MYPN: variants seen among roughly 807,000 people sequenced by gnomAD.
MYPN encodes the protein sarcomeric protein myopalladin, 145 kDa (MYOP).
In MYPN, 63 loss-of-function variants were observed where a neutral mutation model predicts 129.4. That is an observed-to-expected ratio of 0.49 (90% CI 0.40 to 0.60). The LOEUF (loss-of-function observed/expected upper bound fraction) is 0.60, where lower values mean the gene tolerates loss of function less well. MYPN is among the 20% of genes least tolerant of loss of function. The probability of loss-of-function intolerance (pLI) is 0.00; values close to 1 mark genes in which losing one functional copy is unlikely to be tolerated. For synonymous variants in MYPN, 629 were observed against 600.9 expected, an observed-to-expected ratio of 1.05 and a Z score of -0.68; for missense variants, 1,596 against 1,635.4, an observed-to-expected ratio of 0.98 and a Z score of 0.42.
intron 2 of MYPN, among the ~76,000 whole-genome samples, chr10:68,131,946 T>C (rs2042417780): frequency 1.3e-5 from 2 of 152,214 alleles, no homozygotes; most frequent in Non-Finnish European, 2.9e-5. Flanking sequence ...GCTAAATTTA[T>C]GGAAATCTAT....
intron 6 of MYPN, among the ~76,000 whole-genome samples, chr10:68,154,542 T>TG (rs2042834745): frequency 6.6e-6 from 1 of 152,222 alleles, no homozygotes; most frequent in African/African-American, 2.4e-5. Context: ...AATGATTGCA[T>TG]GGGGCACTTG....
upstream of MYPN, among the ~76,000 whole-genome samples, chr10:68,104,496 A>G (rs2041997671): frequency 1.3e-5 from 2 of 152,200 alleles, no homozygotes; most frequent in African/African-American, 4.8e-5. Flanking sequence ...AATAGAAATG[A>G]AAAAATAGGT....
intron 1 of MYPN, among the ~76,000 whole-genome samples, chr10:68,095,041 A>G (rs144742871): frequency 1.4e-3 from 217 of 152,302 alleles, no homozygotes; most frequent in African/African-American, 5.1e-3. Context: ...AGCCTGGGCT[A>G]CAGAGGGAGA....
chr10:68,183,822 A>T (rs2043378572), intron 12 of MYPN, among the ~76,000 whole-genome samples: 1 of 151,742 alleles, frequency 6.6e-6, no homozygotes, highest in African/African-American at 2.4e-5. Context: ...CCAGTTCAAG[A>T]CCAGCCTGGG....
At chr10:68,148,276 A>G in intron 4 of MYPN, 77 bp from the exon 5 acceptor site, 3 of 1,155,692 alleles carry the variant, frequency 2.6e-6, no homozygotes, top group South Asian at 1.3e-5. Flanking sequence ...CAGTGATGCC[A>G]TTACTAGTTT....
chr10:68,197,173 C>A (rs2134288926), intron 15 of MYPN, among the ~76,000 whole-genome samples, 179 bp from the exon 16 acceptor site: 1 of 152,006 alleles, frequency 6.6e-6, no homozygotes, highest in East Asian at 1.9e-4. Flanking sequence ...AGATACTTAC[C>A]ACTTTGTGTT....
intron 1 of MYPN, among the ~76,000 whole-genome samples, chr10:68,088,551 C>T (rs928972517): frequency 2.0e-5 from 3 of 152,108 alleles, no homozygotes; most frequent in Non-Finnish European, 4.4e-5. Flanking sequence ...GCTGATCTAT[C>T]ACTCTCCATT....
At chr10:68,102,157 A>ATTTTT (rs2041985080), upstream of MYPN, among the ~76,000 whole-genome samples, 1 of 104,868 alleles carries the variant, frequency 9.5e-6, no homozygotes. Flanking sequence ...ATAGGGTCTC[A>ATTTTT]TTTTACTGCA....
chr10:68,111,318 C>T (rs1222210510), intron 1 of MYPN, among the ~76,000 whole-genome samples: 2 of 152,230 alleles, frequency 1.3e-5, no homozygotes, highest in East Asian at 1.9e-4. Context: ...AGTTCCTACA[C>T]GTAATAGGAA....
rs563055841 is a variant in MYPN, at chr10:68,182,790, G to A, written c.2704-6115G>A. On this transcript the variant is annotated intron_variant, in intron 12 of 19. Coordinates refer to ENST00000358913, the MANE Select transcript of MYPN (RefSeq NM_032578.4). The stretch of plus-strand genomic sequence containing the variant: ...CCCAAAGTGCTGGGATTATAGGCAT[G>A]AGCCACCACGCCCGGTCTCTAATAG... Among the ~76,000 whole-genome samples, 10 of 152,232 alleles carry A rather than the reference G, an allele frequency of 6.6e-5. No homozygotes were observed. In the South Asian group the frequency reaches 1.9e-3, roughly 28 times the overall value.
upstream of MYPN, among the ~76,000 whole-genome samples, chr10:68,107,501 C>G (rs2042026909): frequency 7.2e-6 from 1 of 138,842 alleles, no homozygotes; most frequent in Non-Finnish European, 1.5e-5. Context: ...CCTCTACGCC[C>G]TGCTAATTTT....
intron 1 of MYPN, among the ~76,000 whole-genome samples, chr10:68,099,630 ACT>A (rs1322235627): frequency 2.0e-5 from 3 of 149,518 alleles, no homozygotes; most frequent in South Asian, 2.1e-4. Flanking sequence ...ACAGAGCAAG[ACT>A]CTGTCTCAAA....
chr10:68,195,452 G>A lies in MYPN; in HGVS notation c.3078G>A (p.Gly1026=), dbSNP rs114479328. The part of the protein sequence containing the change: ...NYTIMAANPQ[G]RISCSGHLMV... ...CTTGCTCTTTTTCTGTTTGTCAGGGGAGAATCAGCTGTTCTGGCCACTTGA... is the reference window on the plus strand; with the variant it reads ...CTTGCTCTTTTTCTGTTTGTCAGGGAAGAATCAGCTGTTCTGGCCACTTGA... Residue 1026 remains glycine, a splice_region_variant and synonymous_variant, in exon 15 of 20, where the codon GGG becomes GGA. Transcript: ENST00000358913. 6.9e-4 allele frequency: 1,112 copies of A among 1,613,836 alleles called. 7 individuals carry two copies. The African/African-American group carries it at 0.013, about 19-fold the overall frequency.
At chr10:68,175,128 T>C (rs1449115475) in intron 11 of MYPN, among the ~76,000 whole-genome samples, 195 bp from the exon 12 acceptor site, 1 of 10,210 alleles carries the variant, frequency 9.8e-5, no homozygotes, top group African/African-American at 1.6e-4. Flanking sequence ...AGAGACTCTG[T>C]CTCAAAAAAA....
At chr10:68,185,708 G>A (rs916341707) in intron 12 of MYPN, among the ~76,000 whole-genome samples, 2 of 152,152 alleles carry the variant, frequency 1.3e-5, no homozygotes, top group East Asian at 1.9e-4. Context: ...CATGGTAAGG[G>A]AATAAAATGA....
intron 16 of MYPN, among the ~76,000 whole-genome samples, chr10:68,198,093 G>A (rs954143692): frequency 3.9e-5 from 6 of 152,204 alleles, no homozygotes; most frequent in Admixed American, 2.0e-4. Context: ...TTAGACAAAA[G>A]GAGGACTACT....
At chr10:68,151,360 C>T (rs1417013103) in intron 6 of MYPN, among the ~76,000 whole-genome samples, 3 of 152,106 alleles carry the variant, frequency 2.0e-5, no homozygotes, top group Non-Finnish European at 2.9e-5. Flanking sequence ...AAACAAGATG[C>T]CTCTCAATTT....
chr10:68,199,515 A>T lies in MYPN; in HGVS notation c.3433A>T (p.Lys1145Ter). 2 of 1,614,126 alleles carry T rather than the reference A, an allele frequency of 1.2e-6. No individual in the cohort carries two copies. The highest frequency in any genetic ancestry group is 1.7e-6 in the Non-Finnish European group (2 of 1,180,002). Residue 1145 changes from lysine (K) to a stop codon, truncating the protein, a stop_gained, in exon 17 of 20, where the codon AAG (lysine) becomes TAG (stop). Transcript: ENST00000358913. LOFTEE classifies it high-confidence loss of function. ...CACTCAGCGCGACGCAGGGACCTAT[A>T]AGTGCATCGCTACCAACAAAACCGG... ...PLTQRDAGTY[K>*]CIATNKTGQN...
intron 7 of MYPN, 81 bp downstream of exon 7, chr10:68,158,708 C>A: frequency 4.9e-6 from 5 of 1,020,050 alleles, no homozygotes; most frequent in Non-Finnish European, 7.2e-6. Context: ...AACTTTTTAA[C>A]AACTAATTAA....
Sources: allele counts gnomAD v4.1 joint callset (sites outside exome capture counted in the v4.1 genomes callset), GRCh38; gene constraint gnomAD v4.1.1; transcripts MANE v1.5; gene names NCBI Gene and HGNC (gene_info 2026-07-23, HGNC 2026-07-21).